DCT: variants seen among roughly 807,000 people sequenced by gnomAD.
DCT encodes L-dopachrome tautomerase.
A neutral mutation model predicts 53.0 loss-of-function variants in DCT; 47 were observed. The observed-to-expected ratio is 0.89, with a 90% confidence interval of 0.70 to 1.13. The LOEUF (loss-of-function observed/expected upper bound fraction) is 1.13, where lower values mean the gene tolerates loss of function less well. Among genes scored for constraint, DCT ranks in the 50% most tolerant of loss-of-function variants. The pLI is 0.00. For missense variants in DCT, 669 were observed against 637.4 expected (o/e 1.05, Z -0.53); for synonymous variants, 244 against 237.0 (o/e 1.03, Z -0.27).
chr13:94,531,628 A>G, the DCT span, among the ~76,000 whole-genome samples: 1 of 152,248 alleles, frequency 6.6e-6, no homozygotes, highest in African/African-American at 2.4e-5. Flanking sequence ...TACATCATAT[A>G]CAAAAATCAA....
chr13:94,462,726 A>G (rs146864510), intron 4 of DCT, among the ~76,000 whole-genome samples: 1,743 of 152,328 alleles, frequency 0.011, 15 homozygotes, highest in Non-Finnish European at 0.018. Flanking sequence ...CATGGGCATA[A>G]ATATGAATAA....
the DCT span, among the ~76,000 whole-genome samples, chr13:94,487,309 T>C: frequency 4.6e-5 from 7 of 152,172 alleles, no homozygotes; most frequent in African/African-American, 1.4e-4. Flanking sequence ...AAGCAATTCA[T>C]TTTACTCTCT....
chr13:94,479,224 C>A lies in DCT; in HGVS notation c.32G>T (p.Ser11Ile), dbSNP rs771403359. 53 of 1,600,544 alleles carry A rather than the reference C, an allele frequency of 3.3e-5. No individual in the cohort carries two copies. Among genetic ancestry groups the A allele is most frequent in the Non-Finnish European group, 4.4e-5 (52 of 1,169,204 alleles). MSPLWWGFLL[S>I]CLGCKILPGA... is the part of the protein sequence containing the mutation. Reference sequence around the variant, plus strand: ...TGGCAGGATTTTGCAGCCCAAGCAACTGAGCAGAAACCCCCACCAAAGGGG... The same window carrying A: ...TGGCAGGATTTTGCAGCCCAAGCAAATGAGCAGAAACCCCCACCAAAGGGG... The change falls in exon 1 of 8, where the codon AGT (serine) becomes ATT (isoleucine). Residue 11 changes from serine (S) to isoleucine (I), a missense_variant. Ser to Ile is a moderately radical substitution (Grantham distance 142). Transcript: ENST00000377028.
intron 1 of DCT, among the ~76,000 whole-genome samples, chr13:94,478,320 T>TA (rs1278997350): frequency 2.6e-5 from 4 of 151,868 alleles, no homozygotes; most frequent in Admixed American, 2.6e-4. Context: ...CGTCTCGAAA[T>TA]ACAAAAATTA....
intron 6 of DCT, among the ~76,000 whole-genome samples, chr13:94,449,219 G>T (rs985789663): frequency 6.6e-5 from 10 of 152,122 alleles, no homozygotes; most frequent in African/African-American, 2.2e-4. Context: ...TATTGCACCT[G>T]CAGGCATAAA....
the DCT span, among the ~76,000 whole-genome samples, chr13:94,519,853 G>A: frequency 6.6e-6 from 1 of 152,150 alleles, no homozygotes; most frequent in African/African-American, 2.4e-5. Context: ...CCAGGCTTGA[G>A]ACATGTCCAT....
chr13:94,503,657 A>G, the DCT span, among the ~76,000 whole-genome samples: 1 of 152,184 alleles, frequency 6.6e-6, no homozygotes, highest in African/African-American at 2.4e-5. Context: ...TCCTGGAGCC[A>G]CCAGAAGCTG....
chr13:94,468,822 C>T lies in DCT; in HGVS notation c.519G>A (p.Gln173=), dbSNP rs780216371. Residue 173 remains glutamine, a synonymous_variant, in exon 2 of 8, where the codon CAG becomes CAA. Coordinates refer to ENST00000377028, the MANE Select transcript of DCT (RefSeq NM_001922.5). ...WLGLLGPNGT[Q]PQFANCSVYD... ...AAACACTGCAGTTGGCAAACTGCGG[C>T]TGGGTTCCATTGGGCCCAAGCAGGC... The T allele has an allele frequency of 6.2e-7, 1 of 1,614,188 alleles. No homozygotes were observed. The highest frequency in any genetic ancestry group is 1.1e-5 in the South Asian group (1 of 91,088).
chr13:94,471,033 G>A (rs939453250), intron 1 of DCT, among the ~76,000 whole-genome samples: 7 of 152,184 alleles, frequency 4.6e-5, no homozygotes, highest in African/African-American at 1.4e-4. Context: ...AGAAAAAGCA[G>A]CCCCTATAAA....
At chr13:94,490,520 A>C in the DCT span, among the ~76,000 whole-genome samples, 10 of 144,878 alleles carry the variant, frequency 6.9e-5, no homozygotes, top group South Asian at 2.1e-4. Flanking sequence ...AAAAAAAAAA[A>C]AAAAAAAAAA....
At chr13:94,456,427 TAAATCACC>T (rs1883419298) in intron 6 of DCT, among the ~76,000 whole-genome samples, 1 of 152,156 alleles carries the variant, frequency 6.6e-6, no homozygotes, top group South Asian at 2.1e-4. Flanking sequence ...GTAACAATAA[TAAATCACC>T]TGTGAAATAC....
At chr13:94,511,361 TC>T in the DCT span, among the ~76,000 whole-genome samples, 13,639 of 139,836 alleles carry the variant, frequency 0.098, 1,559 homozygotes, top group African/African-American at 0.29. Context: ...TCTCTCTCTC[TC>T]TTTTTTTTTT....
chr13:94,468,484 C>A, intron 2 of DCT: 1 of 366,096 alleles, frequency 2.7e-6, no homozygotes, highest in South Asian at 5.4e-5. Context: ...TGATTAACAG[C>A]TTCACAGAGA....
In DCT at chr13:94,479,011, T is replaced by C. The variant is rs1318727021; in HGVS notation, c.245A>G (p.Asp82Gly). 1.2e-6 allele frequency: 2 copies of C among 1,613,756 alleles called. No individual in the cohort carries two copies. The highest frequency in any genetic ancestry group is 2.7e-5 in the African/African-American group (2 of 74,962). ...SGPYILRNQD[D>G]RELWPRKFFH... ...GAATTTTCTTGGCCACAGCTCACGG[T>C]CATCCTGGTTTCGTAGGATGTAGGG... Residue 82 changes from aspartate (D) to glycine (G), a missense_variant, in exon 1 of 8, where the codon GAC (aspartate) becomes GGC (glycine). Asp to Gly is a moderately conservative substitution (Grantham distance 94). Transcript: ENST00000377028.
chr13:94,538,282 G>A, the DCT span, among the ~76,000 whole-genome samples: 2 of 152,130 alleles, frequency 1.3e-5, no homozygotes, highest in African/African-American at 4.8e-5. Flanking sequence ...TCTCACACTA[G>A]CCCTATAAAA....
chr13:94,443,306 G>A, intron 7 of DCT, 130 bp downstream of exon 7: 1 of 692,190 alleles, frequency 1.4e-6, no homozygotes, highest in Non-Finnish European at 2.5e-6. Context: ...CTAGAAAAAT[G>A]GTCAATAAAC....
rs139364785 is a variant in DCT, at chr13:94,448,576, G to C, written c.1180-4939C>G. On this transcript the variant is annotated intron_variant, in intron 6 of 7. Coordinates refer to ENST00000377028, the MANE Select transcript of DCT (RefSeq NM_001922.5). ...CTCTGTAAAGGGTCAAATGTCATTT[G>C]AGGGTAGGAAACAAAAGCAAAAGTT... Among the ~76,000 whole-genome samples the C allele has an allele frequency of 3.1e-3, 470 of 152,276 alleles. 4 individuals are homozygous for C. The highest frequency in any genetic ancestry group is 0.011 in the African/African-American group (452 of 41,566).
chr13:94,528,088 A>C, the DCT span, among the ~76,000 whole-genome samples: 1 of 152,312 alleles, frequency 6.6e-6, no homozygotes, highest in African/African-American at 2.4e-5. Flanking sequence ...AAGATTAGAG[A>C]AAAAAGAGTG....
chr13:94,464,500 C>T (rs1004822793), intron 4 of DCT, among the ~76,000 whole-genome samples: 4 of 151,986 alleles, frequency 2.6e-5, no homozygotes, highest in Middle Eastern at 3.4e-3. Context: ...ATTAGCTGGG[C>T]GTGGTTGCGC....
Sources: allele counts gnomAD v4.1 joint callset (sites outside exome capture counted in the v4.1 genomes callset), GRCh38; gene constraint gnomAD v4.1.1; transcripts MANE v1.5; gene names NCBI Gene and HGNC (gene_info 2026-07-23, HGNC 2026-07-21).